The following NRXN1 variants were observed in gnomAD, a reference collection of about 807,000 sequenced individuals.
NRXN1 encodes neurexin-1.
In NRXN1, 39 loss-of-function variants were observed where a neutral mutation model predicts 150.9. The observed-to-expected ratio is 0.26, with a 90% CI of 0.20 to 0.34. The LOEUF is 0.34. Ranked by LOEUF, NRXN1 falls within the 10% of genes least tolerant of loss-of-function variation. The pLI is 1.00. For missense variants in NRXN1, 1,815 were observed against 1,949.9 expected, an observed-to-expected ratio of 0.93 and a Z score of 1.30; for synonymous variants, 924 against 757.0, an observed-to-expected ratio of 1.22 and a Z score of -3.62.
intron 10 of NRXN1, among the ~76,000 whole-genome samples, chr2:50,531,822 TTTTTGTTGTTGTTTTTGTTTGGG>T (rs1442511496): frequency 6.6e-6 from 1 of 151,528 alleles, no homozygotes; most frequent in Non-Finnish European, 1.5e-5. Flanking sequence ...GTTGTGGATT[TTTTTGTTGTTGTTTTTGTTTGGG>T]TTTTGTTGTT....
intron 21 of NRXN1, among the ~76,000 whole-genome samples, chr2:49,952,137 AG>A (rs2104463050): frequency 6.6e-6 from 1 of 152,154 alleles, no homozygotes; most frequent in East Asian, 1.9e-4. Context: ...GACTCCCAGT[AG>A]ATTATGTTTT....
intron 5 of NRXN1, among the ~76,000 whole-genome samples, chr2:50,642,530 T>C (rs945496721): frequency 7.2e-5 from 11 of 152,008 alleles, no homozygotes; most frequent in African/African-American, 2.7e-4. Flanking sequence ...AGTTAATAAG[T>C]TTGTTTCAGG....
intron 21 of NRXN1, among the ~76,000 whole-genome samples, chr2:49,967,230 C>T (rs1677117586): frequency 6.6e-6 from 1 of 151,924 alleles, no homozygotes; most frequent in South Asian, 2.1e-4. Context: ...GACATATTCA[C>T]ATTAGGGAAA....
intron 21 of NRXN1, among the ~76,000 whole-genome samples, chr2:50,044,418 G>A (rs991969782): frequency 1.4e-4 from 22 of 152,080 alleles, no homozygotes; most frequent in Admixed American, 7.2e-4. Flanking sequence ...GAAGCTTTCC[G>A]CAAATGCAAC....
intron 21 of NRXN1, among the ~76,000 whole-genome samples, chr2:49,991,078 T>G (rs1442084809): frequency 6.6e-6 from 1 of 152,052 alleles, no homozygotes; most frequent in Admixed American, 6.6e-5. Flanking sequence ...AATAGAAAAC[T>G]TCCTCAAATT....
chr2:50,544,614 A>G (rs1436007004), intron 9 of NRXN1, among the ~76,000 whole-genome samples: 3 of 152,150 alleles, frequency 2.0e-5, no homozygotes, highest in Non-Finnish European at 2.9e-5. Context: ...GGTATTGGCA[A>G]GAATAAGGGG....
At chr2:50,613,447 C>A (rs994471044) in intron 8 of NRXN1, among the ~76,000 whole-genome samples, 2 of 152,166 alleles carry the variant, frequency 1.3e-5, no homozygotes, top group Admixed American at 1.3e-4. Flanking sequence ...AAATGACATA[C>A]TGTATAGTGC....
chr2:50,079,720 T>A (rs959359872), intron 19 of NRXN1, among the ~76,000 whole-genome samples: 3 of 152,074 alleles, frequency 2.0e-5, no homozygotes, highest in African/African-American at 7.2e-5. Context: ...TACTAAATCA[T>A]ACAGAATAAG....
chr2:50,408,255 T>C lies in NRXN1; in HGVS notation c.3364+57187A>G, dbSNP rs546997323. Among the ~76,000 whole-genome samples, 3 of 152,324 alleles carry C rather than the reference T, an allele frequency of 2.0e-5. No homozygotes were observed. In the East Asian group the frequency reaches 5.8e-4, roughly 29 times the overall value. On this transcript the variant is annotated intron_variant, in intron 17 of 22. Transcript: ENST00000401669. Reference sequence around the variant, plus strand: ...TCTACAATAGATTAACATGAGAATTTCCAAGTAGTAATGAGAGTCTGGTTA... The same window carrying C: ...TCTACAATAGATTAACATGAGAATTCCCAAGTAGTAATGAGAGTCTGGTTA...
Position 50,049,283 on chromosome 2 carries a change from GT to G in NRXN1, c.4128+3987del, listed in dbSNP as rs373508074. Among the ~76,000 whole-genome samples the G allele has an allele frequency of 8.1e-4, 123 of 152,266 alleles. No individual in the cohort carries two copies. The South Asian group carries it at 0.015, about 19-fold the overall frequency. ...GATGGAAGACAGAGGTGAAATCTATGTTTTGGTAAATAATCATGAGAAGACC... is the reference window on the plus strand; with the variant it reads ...GATGGAAGACAGAGGTGAAATCTATGTTTGGTAAATAATCATGAGAAGACC... On this transcript the variant is annotated intron_variant, in intron 21 of 22. Transcript: ENST00000401669.
At chr2:50,917,867 A>T (rs948904808) in intron 5 of NRXN1, 4 of 126,442 alleles carry the variant, frequency 3.2e-5, no homozygotes, top group African/African-American at 1.2e-4. Flanking sequence ...AAAATGTATT[A>T]AAAAAACACC....
chr2:50,759,074 A>G (rs764379554), intron 5 of NRXN1, among the ~76,000 whole-genome samples: 1 of 151,986 alleles, frequency 6.6e-6, no homozygotes, highest in Non-Finnish European at 1.5e-5. Flanking sequence ...AAATGCATAA[A>G]TATGGGAGCA....
At chr2:50,158,388 C>T (rs2059155326) in intron 18 of NRXN1, among the ~76,000 whole-genome samples, 1 of 151,464 alleles carries the variant, frequency 6.6e-6, no homozygotes, top group Non-Finnish European at 1.5e-5. Flanking sequence ...CATTCATAGA[C>T]AGTACATTTT....
chr2:50,562,336 T>TAGATAGAA (rs1192553846), intron 8 of NRXN1, among the ~76,000 whole-genome samples: 37 of 150,542 alleles, frequency 2.5e-4, no homozygotes, highest in African/African-American at 9.2e-4. Flanking sequence ...ATACGATAGA[T>TAGATAGAA]AGATAGATAG....
intron 15 of NRXN1, among the ~76,000 whole-genome samples, chr2:50,494,116 A>C (rs1157696977): frequency 6.6e-6 from 1 of 152,234 alleles, no homozygotes; most frequent in Non-Finnish European, 1.5e-5. Context: ...TTTACTTCTC[A>C]GGAGACAGTG....
At chr2:50,493,834 A>G (rs899228659) in intron 15 of NRXN1, among the ~76,000 whole-genome samples, 27 of 152,160 alleles carry the variant, frequency 1.8e-4, no homozygotes, top group Admixed American at 1.6e-3. Flanking sequence ...AACAATTTTA[A>G]TTGTGCTTTT....
chr2:51,012,361 T>C (rs1439706672), intron 2 of NRXN1, among the ~76,000 whole-genome samples: 2 of 152,028 alleles, frequency 1.3e-5, no homozygotes, highest in African/African-American at 4.8e-5. Context: ...ATCCATTAAC[T>C]ATAATTTGTA....
intron 17 of NRXN1, among the ~76,000 whole-genome samples, chr2:50,249,041 T>C (rs576299521): frequency 3.7e-4 from 56 of 150,094 alleles, no homozygotes; most frequent in Middle Eastern, 6.8e-3. Flanking sequence ...TCTGTAGTCC[T>C]AGCTACTTGG....
intron 3 of NRXN1, 145 bp from the exon 4 acceptor site, chr2:50,922,832 T>C (rs572468665): frequency 2.3e-6 from 2 of 876,138 alleles, no homozygotes; most frequent in South Asian, 2.9e-5. Flanking sequence ...AAAAGCATTC[T>C]TTCAACCCCT....
Sources: gnomAD v4.1 joint callset for allele counts (sites outside exome capture counted in the v4.1 genomes callset) on GRCh38, gnomAD v4.1.1 for gene constraint, MANE v1.5 for transcripts, NCBI Gene and HGNC (gene_info 2026-07-23, HGNC 2026-07-21) for gene names.